Variants in UNC13B observed in about 807,000 individuals in gnomAD.
UNC13B encodes unc-13 homolog B, also known as protein unc-13 homolog B.
In UNC13B, 144 loss-of-function variants were observed where a neutral mutation model predicts 211.0. The observed-to-expected ratio is 0.68, with a 90% CI of 0.60 to 0.78. The LOEUF is 0.78. UNC13B is among the 30% of genes least tolerant of loss of function. The probability of loss-of-function intolerance (pLI) is 0.00; values close to 1 mark genes in which losing one functional copy is unlikely to be tolerated. For synonymous variants in UNC13B, 709 were observed against 725.8 expected, an observed-to-expected ratio of 0.98 and a Z score of 0.37; for missense variants, 1,777 against 2,002.0, an observed-to-expected ratio of 0.89 and a Z score of 2.14.
rs2082437540 is a variant in UNC13B, at chr9:35,404,756, ACTCCT to A, written c.*726_*730del. The A allele has an allele frequency of 6.6e-6, 1 of 152,220 alleles. No individual in the cohort carries two copies. The highest frequency in any genetic ancestry group is 2.4e-5 in the African/African-American group (1 of 41,270). The allele number at this position is 152,220 out of a possible 1,614,324, so 9.4% of individuals were successfully genotyped here. A position where few individuals can be genotyped will look rare whatever the true frequency, so the allele number is the denominator to read the frequency against. On this transcript the variant is annotated 3_prime_UTR_variant, in exon 40 of 40. Coordinates refer to ENST00000635942, the MANE Select transcript of UNC13B (RefSeq NM_001371189.2). ...ACCTGCCTGGGAGTCTCCCTGCCTC[ACTCCT>A]CTAGGCAGGGGAGTGATGCTTCAGG...
At chr9:35,236,839 C>T (rs1825541094) in intron 4 of UNC13B, among the ~76,000 whole-genome samples, 1 of 152,150 alleles carries the variant, frequency 6.6e-6, no homozygotes, top group South Asian at 2.1e-4. Flanking sequence ...AGGTAGATAG[C>T]CCCTTCTGAG....
chr9:35,265,768 T>C (rs559435983), intron 7 of UNC13B, among the ~76,000 whole-genome samples: 9 of 152,220 alleles, frequency 5.9e-5, no homozygotes, highest in African/African-American at 2.2e-4. Flanking sequence ...GAGACCCCCA[T>C]CTCTACAATT....
At position 35,399,183 on chromosome 9, in the gene UNC13B, T is replaced by G. The variant is rs751795142; in HGVS notation, c.12097T>G (p.Cys4033Gly). The change falls in exon 34 of 40, where the codon TGT (cysteine) becomes GGT (glycine). Residue 4033 changes from cysteine to glycine, a missense_variant. Physicochemically the swap from Cys to Gly is radical, Grantham distance 159. Coordinates refer to ENST00000635942, the MANE Select transcript of UNC13B (RefSeq NM_001371189.2). ...DGNLTLFATV[C>G]EKTVLKRVLK... Reference sequence around the variant, plus strand: ...CAGCCTCACCCTCTTTGCCACTGTGTGTGAGAAGACGGTTCTGAAGCGTGT... The same window carrying G: ...CAGCCTCACCCTCTTTGCCACTGTGGGTGAGAAGACGGTTCTGAAGCGTGT... The G allele has an allele frequency of 5.6e-6, 9 of 1,614,156 alleles. No individual in the cohort carries two copies. The highest frequency in any genetic ancestry group is 7.6e-6 in the Non-Finnish European group (9 of 1,180,022).
chr9:35,207,478 T>TTTTTTTTATTTA (rs146668335), intron 1 of UNC13B, among the ~76,000 whole-genome samples: 7 of 142,978 alleles, frequency 4.9e-5, no homozygotes, highest in African/African-American at 1.3e-4. Flanking sequence ...AGAAATTAAT[T>TTTTTTTTATTTA]TTTATTTATT....
chr9:35,390,620 G>A lies in UNC13B; in HGVS notation c.11223-9G>A, dbSNP rs774771789. 1.2e-6 allele frequency: 2 copies of A among 1,613,788 alleles called. No homozygotes were observed. Among genetic ancestry groups the A allele is most frequent in the East Asian group, 4.5e-5 (2 of 44,870 alleles). On this transcript the variant is annotated splice_polypyrimidine_tract_variant and intron_variant, in intron 25 of 39. Transcript: ENST00000635942. ...TTATTCTCTGACTGTGGTTTCTTCT[G>A]TCATCCAGGTTTCCTCAGGAGTTGA...
At chr9:35,233,006 A>G (rs2131513316) in intron 3 of UNC13B, among the ~76,000 whole-genome samples, 1 of 152,266 alleles carries the variant, frequency 6.6e-6, no homozygotes, top group African/African-American at 2.4e-5. Flanking sequence ...CAATGGTGTC[A>G]TGTTTCTTTC....
intron 1 of UNC13B, among the ~76,000 whole-genome samples, chr9:35,162,977 G>T (rs1482451385): frequency 6.6e-6 from 1 of 152,200 alleles, no homozygotes; most frequent in Non-Finnish European, 1.5e-5. Flanking sequence ...ATATCTTAAA[G>T]CAAGAGCTTT....
intron 11 of UNC13B, among the ~76,000 whole-genome samples, chr9:35,317,829 G>A (rs188956864): frequency 5.5e-4 from 84 of 151,610 alleles, no homozygotes; most frequent in Admixed American, 8.6e-4. Flanking sequence ...GAGCCACCAC[G>A]CCTGGCCTAA....
At chr9:35,216,460 T>C (rs1215164841) in intron 1 of UNC13B, among the ~76,000 whole-genome samples, 1 of 152,148 alleles carries the variant, frequency 6.6e-6, no homozygotes, top group Non-Finnish European at 1.5e-5. Flanking sequence ...AACGTAAGTG[T>C]TGGATCAACT....
At chr9:35,318,245 G>A (rs1048651708) in intron 11 of UNC13B, among the ~76,000 whole-genome samples, 1 of 152,200 alleles carries the variant, frequency 6.6e-6, no homozygotes, top group Non-Finnish European at 1.5e-5. Flanking sequence ...AGAACAAGAA[G>A]CCAGAGTTTA....
intron 7 of UNC13B, among the ~76,000 whole-genome samples, chr9:35,268,376 T>C (rs1372865255): frequency 5.3e-5 from 8 of 152,114 alleles, no homozygotes; most frequent in Non-Finnish European, 1.2e-4. Flanking sequence ...TCCCAGCACT[T>C]TGGGAGGCTG....
chr9:35,191,443 A>G (rs1822655175), intron 1 of UNC13B, among the ~76,000 whole-genome samples: 1 of 152,180 alleles, frequency 6.6e-6, no homozygotes, highest in Admixed American at 6.5e-5. Context: ...GTATAGTCTA[A>G]AACAAAGGTG....
At chr9:35,313,441 A>G (rs997577236) in intron 10 of UNC13B, among the ~76,000 whole-genome samples, 2 of 152,016 alleles carry the variant, frequency 1.3e-5, no homozygotes, top group Non-Finnish European at 2.9e-5. Context: ...CCTGGGCAAC[A>G]TGGCGAAACA....
chr9:35,286,978 G>A (rs1366937047), intron 7 of UNC13B, among the ~76,000 whole-genome samples: 2 of 151,934 alleles, frequency 1.3e-5, no homozygotes, highest in African/African-American at 4.8e-5. Context: ...AATTCTGTGA[G>A]TTGTCCTGCC....
At chr9:35,381,077 C>T in intron 18 of UNC13B, 23 bp from the exon 19 acceptor site, 1 of 1,605,132 alleles carries the variant, frequency 6.2e-7, no homozygotes, top group African/African-American at 1.3e-5. Context: ...TGGTGTCAAT[C>T]TCCAGTCTTC....
At chr9:35,394,875 G>T (rs918976111) in intron 26 of UNC13B, among the ~76,000 whole-genome samples, 2 of 152,180 alleles carry the variant, frequency 1.3e-5, no homozygotes, top group African/African-American at 4.8e-5. Context: ...TTATACCAGA[G>T]AAGTTAATAC....
chr9:35,398,201 G>T lies in UNC13B; in HGVS notation c.11755-10G>T. On this transcript the variant is annotated splice_polypyrimidine_tract_variant and intron_variant, in intron 30 of 39. Transcript: ENST00000635942. The stretch of plus-strand genomic sequence containing the variant: ...GAGCCAAGACTCAACAGCTACATCT[G>T]TCCCCAAAGCCCTGCATCCTGATGA... The T allele has an allele frequency of 6.2e-7, 1 of 1,612,200 alleles. No homozygotes were observed. The highest frequency in any genetic ancestry group is 8.5e-7 in the Non-Finnish European group (1 of 1,178,882).
Position 35,278,609 on chromosome 9 carries a change from C to CTT in UNC13B, c.527-17077_527-17076dup, listed in dbSNP as rs11378915. On this transcript the variant is annotated intron_variant, in intron 7 of 39. Transcript: ENST00000635942. ...GCCACCTTCTTCTACCTTTTTGCCA[C>CTT]TTTTTTTTTTTGTCTGAGCCTTCTA... is the stretch of plus-strand genomic sequence containing the variant. 9.6e-4 allele frequency among the ~76,000 whole-genome samples: 142 copies of CTT among 147,820 alleles called. 1 individual carries two copies. Among genetic ancestry groups the CTT allele is most frequent in the Admixed American group, 2.8e-3 (41 of 14,850 alleles).
chr9:35,376,079 T>A lies in UNC13B; in HGVS notation c.9667T>A (p.Cys3223Ser). ...TLQALIYPIS[C>S]TTPHNFEVWT... Reference sequence around the variant, plus strand: ...GCAGGCCTTAATCTACCCCATTTCGTGCACCACTCCTCATAACTTTGAGGT... The same window carrying A: ...GCAGGCCTTAATCTACCCCATTTCGAGCACCACTCCTCATAACTTTGAGGT... The change falls in exon 15 of 40, where the codon TGC becomes AGC. Residue 3223 changes from cysteine to serine, a missense_variant. Physicochemically the swap from Cys to Ser is moderately radical, Grantham distance 112 (BLOSUM62 -1). Coordinates refer to ENST00000635942, the MANE Select transcript of UNC13B (RefSeq NM_001371189.2). The A allele has an allele frequency of 6.2e-7, 1 of 1,614,250 alleles. No homozygotes were observed. Among genetic ancestry groups the A allele is most frequent in the South Asian group, 1.1e-5 (1 of 91,092 alleles).
Sources: allele counts gnomAD v4.1 joint callset (sites outside exome capture counted in the v4.1 genomes callset), GRCh38; gene constraint gnomAD v4.1.1; transcripts MANE v1.5; gene names NCBI Gene and HGNC (gene_info 2026-07-23, HGNC 2026-07-21).